NBPF11: variants seen among roughly 807,000 people sequenced by gnomAD.
The protein encoded by NBPF11 is NBPF member 11, also known as NBPF family member NBPF11.
In NBPF11, 72 loss-of-function variants were observed where a neutral mutation model predicts 93.9. The ratio of observed to expected loss-of-function variants is 0.77; its 90% CI spans 0.63 to 0.93. The LOEUF (loss-of-function observed/expected upper bound fraction) is 0.93. Ranked by LOEUF, NBPF11 falls within the 40% of genes least tolerant of loss-of-function variation. The probability of loss-of-function intolerance (pLI) is 0.00; values close to 1 mark genes in which losing one functional copy is unlikely to be tolerated. For synonymous variants in NBPF11, 224 were observed against 304.9 expected (o/e 0.73, Z 2.76); for missense variants, 705 against 802.2 (o/e 0.88, Z 1.46).
At chr1:148,141,596 C>G in intron 2 of NBPF11, among the ~76,000 whole-genome samples, 1 of 151,932 alleles carries the variant, frequency 6.6e-6, no homozygotes, top group Non-Finnish European at 1.5e-5. Context: ...TTGGAGATTT[C>G]AATGCCTATG....
At chr1:148,120,284 T>C (rs1667523402) in intron 10 of NBPF11, among the ~76,000 whole-genome samples, 1 of 152,046 alleles carries the variant, frequency 6.6e-6, no homozygotes, top group Non-Finnish European at 1.5e-5. Flanking sequence ...GCAGTTTAAC[T>C]CTAGTCCCAC....
rs1248356794 is a variant in NBPF11 at position 148,120,661 on chromosome 1, G to T, written c.828C>A (p.Ala276=). The T allele has an allele frequency of 3.9e-6, 6 of 1,536,366 alleles. No individual in the cohort carries two copies. Among genetic ancestry groups the T allele is most frequent in the Non-Finnish European group, 5.4e-6 (6 of 1,111,346 alleles). The stretch of plus-strand genomic sequence containing the variant: ...CTGCCTTCTCGCTGGACAAAGGGCC[G>T]GCTGATACCACCATGCTGACGTTTG... ...SATNVSMVVS[A]GPLSSEKAEM... The change falls in exon 10 of 24, where the codon GCC becomes GCA. Residue 276 remains alanine (A), a synonymous_variant. Transcript: ENST00000682118.
chr1:148,145,570 A>G (rs1355480127), intron 1 of NBPF11, among the ~76,000 whole-genome samples: 19 of 150,894 alleles, frequency 1.3e-4, no homozygotes, highest in African/African-American at 4.7e-4. Context: ...AGATTGATAA[A>G]GTATATTTCA....
At position 148,151,754 on chromosome 1, in the gene NBPF11, G is replaced by C. The variant is rs1397983806; in HGVS notation, c.-553C>G. On this transcript the variant is annotated 5_prime_UTR_variant, in exon 1 of 24. Transcript: ENST00000682118. ...GGCCTGGCGCGGCGCCCTCACCTCC[G>C]GAACGCTGGGTGGACTTCGCAGTAA... is the stretch of plus-strand genomic sequence containing the variant. 6.6e-6 allele frequency: 1 copy of C among 152,486 alleles called. No individual in the cohort carries two copies. Among genetic ancestry groups the C allele is most frequent in the Non-Finnish European group, 1.5e-5 (1 of 68,358 alleles). 9.4% of individuals were successfully genotyped at this position (152,486 alleles called of 1,614,324 possible). A position where few individuals can be genotyped will look rare whatever the true frequency, so the allele number is the denominator to read the frequency against.
intron 13 of NBPF11, among the ~76,000 whole-genome samples, 186 bp downstream of exon 13, chr1:148,116,277 G>A (rs1666518661): frequency 6.6e-6 from 1 of 152,016 alleles, no homozygotes; most frequent in African/African-American, 2.4e-5. Flanking sequence ...GTGCAGACAT[G>A]ACACTCGGCA....
chr1:148,116,233 C>A (rs1342049989), intron 13 of NBPF11, among the ~76,000 whole-genome samples: 1 of 152,010 alleles, frequency 6.6e-6, no homozygotes, highest in African/African-American at 2.4e-5. Flanking sequence ...CAGATAGGAG[C>A]TGAGGAGGAT....
intron 1 of NBPF11, among the ~76,000 whole-genome samples, chr1:148,150,322 TG>T (rs1317000057): frequency 6.7e-6 from 1 of 150,020 alleles, no homozygotes; most frequent in Non-Finnish European, 1.5e-5. Flanking sequence ...CAGGCTGGTC[TG>T]GAACTCCTGG....
At chr1:148,151,705 A>C (rs1648404341) in intron 1 of NBPF11, 45 bp downstream of exon 1, 1 of 152,384 alleles carries the variant, frequency 6.6e-6, no homozygotes, top group East Asian at 1.9e-4. Flanking sequence ...GTGAGCCCGC[A>C]GGTCCCAGAC....
intron 4 of NBPF11, among the ~76,000 whole-genome samples, chr1:148,134,005 C>T (rs1400976762): frequency 4.6e-5 from 7 of 152,022 alleles, no homozygotes; most frequent in African/African-American, 1.7e-4. Flanking sequence ...CAGCCAAGTC[C>T]CACGGCCTGT....
rs1663574518 is a variant in NBPF11, at chr1:148,106,218, G to C, written c.2266C>G (p.Gln756Glu). 1.0e-5 allele frequency: 9 copies of C among 873,592 alleles called. No individual in the cohort carries two copies. The highest frequency in any genetic ancestry group is 4.8e-5 in the East Asian group (2 of 41,554). The allele number at this position is 873,592 out of a possible 1,614,324, so 54.1% of individuals were successfully genotyped here. Residue 756 changes from glutamine (Q) to glutamate (E), a missense_variant, in exon 21 of 24, where the codon CAA becomes GAA. Transcript: ENST00000682118. ...GGGCCTTGGTCTTCTTCCTCTTCTT[G>C]GTCCTTTTTAATTCCTGCAATACAT... Reference protein sequence around the residue: ...ALDVDRIKKDQEEEEDQGPPC... With the variant: ...ALDVDRIKKDEEEEEDQGPPC...
chr1:148,132,162 A>T (rs1461701988), intron 4 of NBPF11, among the ~76,000 whole-genome samples: 3 of 145,700 alleles, frequency 2.1e-5, no homozygotes, highest in Non-Finnish European at 4.5e-5. Flanking sequence ...ATATATATAT[A>T]TTCCCTATTT....
rs1667120914 is a variant in NBPF11, at chr1:148,118,605, A to G, written c.1091+15T>C. ...CACACCTGCCCCCCTGCCTGCCCCC[A>G]TGGGGTCCCCTCACCTGAGCTCCTC... On this transcript the variant is annotated intron_variant, in intron 11 of 23. Transcript: ENST00000682118. The G allele has an allele frequency of 9.3e-6, 15 of 1,605,976 alleles. No individual in the cohort carries two copies. In the South Asian group the frequency reaches 1.5e-4, roughly 16 times the overall value.
intron 2 of NBPF11, among the ~76,000 whole-genome samples, chr1:148,139,826 G>A (rs1415094111): frequency 6.7e-6 from 1 of 148,942 alleles, no homozygotes; most frequent in African/African-American, 2.5e-5. Flanking sequence ...ACTGGGGACA[G>A]CAAGTGGGAG....
intron 6 of NBPF11, among the ~76,000 whole-genome samples, 173 bp downstream of exon 6, chr1:148,124,726 C>G (rs1336260256): frequency 4.0e-5 from 6 of 151,828 alleles, no homozygotes; most frequent in Admixed American, 1.3e-4. Flanking sequence ...AACTGCAACA[C>G]AGAACTTATT....
At position 148,123,670 on chromosome 1, in the gene NBPF11, G is replaced by A. The variant is rs1322335711; in HGVS notation, c.493+183C>T. ...AGGAAGGAGGGACACTTGCAATACT[G>A]TGACCTCCAAACCGATGGGTTTCCC... is the stretch of plus-strand genomic sequence containing the variant. On this transcript the variant is annotated intron_variant, in intron 7 of 23. Transcript: ENST00000682118. 2.1e-3 allele frequency among the ~76,000 whole-genome samples: 322 copies of A among 152,022 alleles called. 5 individuals are homozygous for A. Among genetic ancestry groups the A allele is most frequent in the African/African-American group, 7.4e-3 (308 of 41,354 alleles).
chr1:148,108,491 C>A lies in NBPF11; in HGVS notation c.2017G>T (p.Asp673Tyr), dbSNP rs1157563110. The A allele has an allele frequency of 1.3e-6, 2 of 1,571,132 alleles. No homozygotes were observed. Among genetic ancestry groups the A allele is most frequent in the African/African-American group, 2.8e-5 (2 of 72,404 alleles). Reference sequence around the variant, plus strand: ...ATAGAAAGGTACTCACCATCCATGTCAACAGCCAAGCCAATACGCTGTTGC... The same window carrying A: ...ATAGAAAGGTACTCACCATCCATGTAAACAGCCAAGCCAATACGCTGTTGC... ...LEQQRIGLAVDMDEIEKYQEV... is the reference protein window; with the variant it reads ...LEQQRIGLAVYMDEIEKYQEV... Residue 673 changes from aspartate to tyrosine, a missense_variant, in exon 18 of 24, where the codon GAC (aspartate) becomes TAC (tyrosine). Transcript: ENST00000682118.
At chr1:148,115,359 A>G (rs58465037) in intron 14 of NBPF11, among the ~76,000 whole-genome samples, 17 of 150,170 alleles carry the variant, frequency 1.1e-4, no homozygotes, top group African/African-American at 3.7e-4. Flanking sequence ...AAGCTGACTT[A>G]AAGGAGATCC....
chr1:148,122,743 T>C lies in NBPF11; in HGVS notation c.552A>G (p.Glu184=). Residue 184 remains glutamate, a synonymous_variant, in exon 8 of 24, where the codon GAA becomes GAG. Transcript: ENST00000682118. Reference sequence around the variant, plus strand: ...TTCAATGTTACCTGGGGGCAGATGATTCCAGTACTTTCTCATCCTCCTCAA... The same window carrying C: ...TTCAATGTTACCTGGGGGCAGATGACTCCAGTACTTTCTCATCCTCCTCAA... ...VQVEEDEKVL[E]SSAPREVQKA... 1 of 1,609,524 alleles carries C rather than the reference T, an allele frequency of 6.2e-7. No individual in the cohort carries two copies. Among genetic ancestry groups the C allele is most frequent in the Non-Finnish European group, 8.5e-7 (1 of 1,177,032 alleles).
At chr1:148,114,814 C>A (rs1666093048) in intron 14 of NBPF11, among the ~76,000 whole-genome samples, 1 of 150,048 alleles carries the variant, frequency 6.7e-6, no homozygotes, top group Admixed American at 6.6e-5. Context: ...GCAATACGGA[C>A]TTATATCACC....
Sources: gnomAD v4.1 joint callset for allele counts (sites outside exome capture counted in the v4.1 genomes callset) on GRCh38, gnomAD v4.1.1 for gene constraint, MANE v1.5 for transcripts, NCBI Gene and HGNC (gene_info 2026-07-23, HGNC 2026-07-21) for gene names.